The following ADAMTS12 variants were observed in gnomAD, a reference collection of about 807,000 sequenced individuals.
ADAMTS12 encodes the protein ADAM metallopeptidase with thrombospondin type 1 motif 12.
A neutral mutation model predicts 167.8 loss-of-function variants in ADAMTS12; 118 were observed. That is an observed-to-expected ratio of 0.70 (90% CI 0.61 to 0.82). The LOEUF (loss-of-function observed/expected upper bound fraction) is 0.82. Ranked by LOEUF, ADAMTS12 falls within the 40% of genes least tolerant of loss-of-function variation. The pLI is 0.00. For synonymous variants in ADAMTS12, 704 were observed against 716.9 expected, an observed-to-expected ratio of 0.98 and a Z score of 0.29; for missense variants, 1,916 against 1,998.8, an observed-to-expected ratio of 0.96 and a Z score of 0.79.
At chr5:33,779,742 C>A (rs1746052108) in intron 2 of ADAMTS12, among the ~76,000 whole-genome samples, 1 of 152,134 alleles carries the variant, frequency 6.6e-6, no homozygotes, top group South Asian at 2.1e-4. Flanking sequence ...ACTACATGAT[C>A]TCACTTATAT....
chr5:33,880,684 A>G (rs1019106327), intron 2 of ADAMTS12, among the ~76,000 whole-genome samples: 8 of 152,254 alleles, frequency 5.3e-5, no homozygotes, highest in African/African-American at 1.9e-4. Flanking sequence ...CTGATTACGA[A>G]GCACACAGAG....
Position 33,662,040 on chromosome 5 carries a change from G to T in ADAMTS12, c.916C>A (p.Gln306Lys), listed in dbSNP as rs1272076310. The T allele has an allele frequency of 1.9e-6, 3 of 1,608,408 alleles. No individual in the cohort carries two copies. Among genetic ancestry groups the T allele is most frequent in the South Asian group, 2.2e-5 (2 of 91,046 alleles). Residue 306 changes from glutamine to lysine, a missense_variant and splice_region_variant, in exon 6 of 24, where the codon CAA becomes AAA. Coordinates refer to ENST00000504830, the MANE Select transcript of ADAMTS12 (RefSeq NM_030955.4). Reference sequence around the variant, plus strand: ...GCATGGTGAACTATTTTCAGTCCTTGCTGGAGAAAGAAGAGGAAGAGATTA... The same window carrying T: ...GCATGGTGAACTATTTTCAGTCCTTTCTGGAGAAAGAAGAGGAAGAGATTA... The part of the protein sequence containing the change: ...VRLILLEEEE[Q>K]GLKIVHHAEK...
intron 16 of ADAMTS12, among the ~76,000 whole-genome samples, chr5:33,598,846 C>T (rs1738042823): frequency 6.6e-6 from 1 of 152,200 alleles, no homozygotes; most frequent in Admixed American, 6.5e-5. Flanking sequence ...GAGTCTAATT[C>T]TCCTGGCCTT....
At chr5:33,595,808 G>T in intron 17 of ADAMTS12, 126 bp downstream of exon 17, 2 of 1,379,454 alleles carry the variant, frequency 1.4e-6, no homozygotes, top group Non-Finnish European at 2.0e-6. Flanking sequence ...AACTCTAACC[G>T]CGTTCTTGTA....
In ADAMTS12 at chr5:33,658,340, G is replaced by A. The variant is rs1741134703; in HGVS notation, c.1041-7C>T. On this transcript the variant is annotated splice_region_variant and splice_polypyrimidine_tract_variant and intron_variant, in intron 6 of 23. Coordinates refer to ENST00000504830, the MANE Select transcript of ADAMTS12 (RefSeq NM_030955.4). ...ACCAGCACAGATGTCCTTTCTGAAAGCAGAGAATACAGAAGCTAAGGCGCC... is the reference window on the plus strand; with the variant it reads ...ACCAGCACAGATGTCCTTTCTGAAAACAGAGAATACAGAAGCTAAGGCGCC... The A allele has an allele frequency of 6.2e-7, 1 of 1,612,916 alleles. No individual in the cohort carries two copies. Among genetic ancestry groups the A allele is most frequent in the African/African-American group, 1.3e-5 (1 of 74,878 alleles).
At position 33,648,814 on chromosome 5, in the gene ADAMTS12, A is replaced by T; in HGVS notation, c.1479+8T>A. ...GCCCTGCATATAGCCACCAAGAGGT[A>T]CACTTACTTCTACTTCCTGGCAGAA... On this transcript the variant is annotated splice_region_variant and intron_variant, in intron 9 of 23. Coordinates refer to ENST00000504830, the MANE Select transcript of ADAMTS12 (RefSeq NM_030955.4). 1 of 1,614,006 alleles carries T rather than the reference A, an allele frequency of 6.2e-7. No individual in the cohort carries two copies. Among genetic ancestry groups the T allele is most frequent in the Non-Finnish European group, 8.5e-7 (1 of 1,179,936 alleles).
chr5:33,560,978 C>A, intron 20 of ADAMTS12, 49 bp downstream of exon 20: 2 of 1,599,290 alleles, frequency 1.3e-6, no homozygotes, highest in Admixed American at 1.7e-5. Context: ...CTTTCCAACC[C>A]ATCCCCACCT....
chr5:33,891,618 A>G (rs920452505), intron 1 of ADAMTS12, 112 bp downstream of exon 1: 1 of 1,512,274 alleles, frequency 6.6e-7, no homozygotes, highest in Non-Finnish European at 9.0e-7. Context: ...ACGCAGCCAA[A>G]TGGCTTTTCA....
chr5:33,650,767 C>T (rs1237714800), intron 7 of ADAMTS12, among the ~76,000 whole-genome samples: 1 of 152,186 alleles, frequency 6.6e-6, no homozygotes, highest in Non-Finnish European at 1.5e-5. Context: ...CACCCAAAGA[C>T]GTTTTCTGAG....
intron 12 of ADAMTS12, 88 bp downstream of exon 12, chr5:33,637,489 G>A (rs10045908): frequency 0.12 from 162,182 of 1,382,050 alleles, 11,777 homozygotes; most frequent in South Asian, 0.28. Flanking sequence ...GTTAAGCTTT[G>A]TGTGGATCAC....
intron 3 of ADAMTS12, among the ~76,000 whole-genome samples, chr5:33,712,704 G>A (rs929634006): frequency 6.6e-6 from 1 of 152,126 alleles, no homozygotes; most frequent in African/African-American, 2.4e-5. Context: ...AACTGGCAAA[G>A]ATGAACTAGT....
intron 23 of ADAMTS12, among the ~76,000 whole-genome samples, chr5:33,534,458 A>G (rs1239892604): frequency 6.6e-6 from 1 of 152,192 alleles, no homozygotes; most frequent in Non-Finnish European, 1.5e-5. Flanking sequence ...ATTTATAGAG[A>G]TGACCATTTC....
intron 18 of ADAMTS12, among the ~76,000 whole-genome samples, chr5:33,584,348 A>C (rs1299019663): frequency 6.6e-6 from 1 of 152,046 alleles, no homozygotes; most frequent in African/African-American, 2.4e-5. Flanking sequence ...GTTTTTATAG[A>C]TGCAATGCAT....
chr5:33,817,204 A>G (rs79340164), intron 2 of ADAMTS12, among the ~76,000 whole-genome samples: 1,562 of 152,320 alleles, frequency 0.01, 30 homozygotes, highest in African/African-American at 0.036. Context: ...AGAAACTCCA[A>G]TCTTGAAACC....
At chr5:33,561,235 C>A (rs979054123) in intron 19 of ADAMTS12, 56 bp from the exon 20 acceptor site, 85 of 1,584,624 alleles carry the variant, frequency 5.4e-5, no homozygotes, top group Non-Finnish European at 7.0e-5. Flanking sequence ...CTCACACATG[C>A]CCCATCACTG....
intron 14 of ADAMTS12, among the ~76,000 whole-genome samples, chr5:33,621,090 A>G (rs1257187822): frequency 6.6e-6 from 1 of 152,178 alleles, no homozygotes; most frequent in African/African-American, 2.4e-5. Context: ...AAACTATTCC[A>G]TCACTATCCC....
chr5:33,782,264 T>C (rs1236265883), intron 2 of ADAMTS12, among the ~76,000 whole-genome samples: 4 of 152,016 alleles, frequency 2.6e-5, no homozygotes, highest in Non-Finnish European at 5.9e-5. Flanking sequence ...AGTTATTATA[T>C]ACTACCGAAC....
At chr5:33,805,780 T>G (rs73759399) in intron 2 of ADAMTS12, among the ~76,000 whole-genome samples, 1 of 152,152 alleles carries the variant, frequency 6.6e-6, no homozygotes, top group South Asian at 2.1e-4. Flanking sequence ...TCCCAGCACT[T>G]TGGGAGGTGA....
chr5:33,524,723 G>A lies in ADAMTS12; in HGVS notation c.*2465C>T, dbSNP rs1475031764. On this transcript the variant is annotated 3_prime_UTR_variant, in exon 24 of 24. Transcript: ENST00000504830. Reference sequence around the variant, plus strand: ...ATACCAACAGGACAGAAAACAGCAAGCCCTGTCTTCATTCTGGAGTCAAGA... The same window carrying A: ...ATACCAACAGGACAGAAAACAGCAAACCCTGTCTTCATTCTGGAGTCAAGA... The A allele has an allele frequency of 6.6e-6, 1 of 152,192 alleles. No individual in the cohort carries two copies. Among genetic ancestry groups the A allele is most frequent in the Non-Finnish European group, 1.5e-5 (1 of 68,036 alleles). 9.4% of individuals were successfully genotyped at this position (152,192 alleles called of 1,614,324 possible).
Sources: allele counts gnomAD v4.1 joint callset (sites outside exome capture counted in the v4.1 genomes callset), GRCh38; gene constraint gnomAD v4.1.1; transcripts MANE v1.5; gene names NCBI Gene and HGNC (gene_info 2026-07-23, HGNC 2026-07-21).